The following EEPD1 variants were observed in gnomAD, a reference collection of about 807,000 sequenced individuals.
EEPD1 encodes endonuclease/exonuclease/phosphatase family domain-containing protein 1.
A neutral mutation model predicts 46.3 loss-of-function variants in EEPD1; 17 were observed. The ratio of observed to expected loss-of-function variants is 0.37; its 90% CI spans 0.25 to 0.55. The LOEUF is 0.55. Ranked by LOEUF, EEPD1 falls within the 20% of genes least tolerant of loss-of-function variation. The probability of loss-of-function intolerance (pLI) is 0.83; values close to 1 mark genes in which losing one functional copy is unlikely to be tolerated. For missense variants in EEPD1, 673 were observed against 745.6 expected (o/e 0.90, Z 1.13); for synonymous variants, 313 against 315.6 (o/e 0.99, Z 0.09).
Position 36,154,788 on chromosome 7 carries a change from A to G in EEPD1, c.464A>G (p.Glu155Gly). The change falls in exon 2 of 8, where the codon GAG becomes GGG. Residue 155 changes from glutamate to glycine, a missense_variant. Coordinates refer to ENST00000242108, the MANE Select transcript of EEPD1 (RefSeq NM_030636.3). The surrounding 1 kb of genome is among the most constrained non-coding windows in gnomAD (Gnocchi z 4.2). ...CTCATGAGCGTGCGAGGCCTCTCGG[A>G]GAAAATGGCCCTCAGCATCGTGGAC... ...AQLMSVRGLS[E>G]KMALSIVDFR... 1 of 1,614,150 alleles carries G rather than the reference A, an allele frequency of 6.2e-7. No homozygotes were observed. Among genetic ancestry groups the G allele is most frequent in the South Asian group, 1.1e-5 (1 of 91,078 alleles).
chr7:36,192,801 C>T (rs972461475), intron 2 of EEPD1, among the ~76,000 whole-genome samples: 8 of 152,336 alleles, frequency 5.3e-5, no homozygotes, highest in Middle Eastern at 3.4e-3. Flanking sequence ...GGTTAGAGAC[C>T]TTCTGGATCA....
chr7:36,260,396 G>A (rs1017576709), intron 3 of EEPD1, among the ~76,000 whole-genome samples: 1 of 152,200 alleles, frequency 6.6e-6, no homozygotes, highest in African/African-American at 2.4e-5. Flanking sequence ...TTTTGTTTCT[G>A]ATGAAAATTC....
intron 3 of EEPD1, among the ~76,000 whole-genome samples, chr7:36,243,486 C>T (rs1786589797): frequency 6.6e-6 from 1 of 152,042 alleles, no homozygotes; most frequent in Non-Finnish European, 1.5e-5. Flanking sequence ...AACCTCAAAC[C>T]TCTTTTACTG....
At chr7:36,167,448 C>T (rs1785005051) in intron 2 of EEPD1, among the ~76,000 whole-genome samples, 3 of 152,072 alleles carry the variant, frequency 2.0e-5, no homozygotes, top group Admixed American at 6.5e-5. Flanking sequence ...GCTTTCTTGT[C>T]GGGCCATAGT....
intron 2 of EEPD1, among the ~76,000 whole-genome samples, chr7:36,165,159 G>T (rs1784962002): frequency 6.6e-6 from 1 of 152,116 alleles, no homozygotes; most frequent in Non-Finnish European, 1.5e-5. Flanking sequence ...CTCACTCAGA[G>T]CAACGTCCAG....
At chr7:36,221,198 G>T (rs775607853) in intron 2 of EEPD1, among the ~76,000 whole-genome samples, 3 of 152,196 alleles carry the variant, frequency 2.0e-5, no homozygotes, top group Non-Finnish European at 4.4e-5. Flanking sequence ...AACCTAATAT[G>T]TAATTTCTTT....
At chr7:36,242,649 G>A (rs560704481) in intron 3 of EEPD1, among the ~76,000 whole-genome samples, 20 of 151,970 alleles carry the variant, frequency 1.3e-4, no homozygotes, top group South Asian at 6.2e-4. Context: ...GAGGCCAGGC[G>A]TAGTGGCTTA....
chr7:36,196,288 GCTACA>G, intron 2 of EEPD1, among the ~76,000 whole-genome samples: 1 of 151,632 alleles, frequency 6.6e-6, no homozygotes, highest in Non-Finnish European at 1.5e-5. Context: ...GTGCACATAG[GCTACA>G]CTAAATTTTT....
rs1475187761 is a variant in EEPD1, at chr7:36,218,170, T to C, written c.879-20815T>C. ...CAGGGCAGAGCCAGTATCATTCTAT[T>C]TTCAAGTGCACGAGGGGGGCTCATT... On this transcript the variant is annotated intron_variant, in intron 2 of 7. Coordinates refer to ENST00000242108, the MANE Select transcript of EEPD1 (RefSeq NM_030636.3). 1.3e-5 allele frequency among the ~76,000 whole-genome samples: 2 copies of C among 152,132 alleles called. 1 individual carries two copies. Among genetic ancestry groups the C allele is most frequent in the Non-Finnish European group, 2.9e-5 (2 of 68,028 alleles).
At chr7:36,210,194 G>A (rs1439988757) in intron 2 of EEPD1, among the ~76,000 whole-genome samples, 1 of 152,186 alleles carries the variant, frequency 6.6e-6, no homozygotes, top group Non-Finnish European at 1.5e-5. Flanking sequence ...TAAGGGCCCA[G>A]AAATACAGGT....
At position 36,270,536 on chromosome 7, in the gene EEPD1, T is replaced by A. The variant is rs376821542; in HGVS notation, c.931-10579T>A. On this transcript the variant is annotated intron_variant, in intron 3 of 7. Transcript: ENST00000242108. ...GTGTTCTCATTGTTCAACTCCTACT[T>A]ATGAGTGAGAACATGTGGCATTTGG... Among the ~76,000 whole-genome samples, 8 of 152,312 alleles carry A rather than the reference T, an allele frequency of 5.3e-5. No individual in the cohort carries two copies. The East Asian group carries it at 1.3e-3, about 26-fold the overall frequency.
chr7:36,198,342 G>GAAAA (rs1361024411), intron 2 of EEPD1, among the ~76,000 whole-genome samples: 1 of 33,100 alleles, frequency 3.0e-5, no homozygotes, highest in Admixed American at 4.2e-4. Context: ...AAAAAGAAAA[G>GAAAA]AAAAAAAAAA....
intron 2 of EEPD1, among the ~76,000 whole-genome samples, chr7:36,190,492 TC>T (rs1193350794): frequency 6.6e-6 from 1 of 152,160 alleles, no homozygotes; most frequent in Non-Finnish European, 1.5e-5. Context: ...CAGACAAAAA[TC>T]AACATAATCC....
chr7:36,297,900 G>T (rs928819680), intron 7 of EEPD1, among the ~76,000 whole-genome samples: 1 of 152,188 alleles, frequency 6.6e-6, no homozygotes, highest in Non-Finnish European at 1.5e-5. Context: ...ACTCTGACTG[G>T]ACATTTTGCG....
chr7:36,248,994 A>ACACACACAC (rs1786687369), intron 3 of EEPD1, among the ~76,000 whole-genome samples: 1 of 135,348 alleles, frequency 7.4e-6, no homozygotes, highest in Non-Finnish European at 1.6e-5. Flanking sequence ...TGGTTCATTA[A>ACACACACAC]ACACACACAC....
chr7:36,186,930 A>G (rs769356176), intron 2 of EEPD1, among the ~76,000 whole-genome samples: 49 of 152,384 alleles, frequency 3.2e-4, no homozygotes, highest in Middle Eastern at 6.8e-3. Context: ...TATGGGAATT[A>G]TGTCAGAATA....
At chr7:36,274,936 C>T (rs750453419) in intron 3 of EEPD1, among the ~76,000 whole-genome samples, 7 of 152,280 alleles carry the variant, frequency 4.6e-5, no homozygotes, top group African/African-American at 1.2e-4. Flanking sequence ...TGACCTTGCA[C>T]GGCCTAAGAC....
chr7:36,276,078 C>G lies in EEPD1; in HGVS notation c.931-5037C>G, dbSNP rs73686808. 3.2e-3 allele frequency among the ~76,000 whole-genome samples: 489 copies of G among 152,324 alleles called. 3 individuals carry two copies. Among genetic ancestry groups the G allele is most frequent in the African/African-American group, 0.011 (466 of 41,572 alleles). Reference sequence around the variant, plus strand: ...CAGAGGCATTTGAACCAGAGTGACTCCATCTTGAATAGGGGCTGGGTAACC... The same window carrying G: ...CAGAGGCATTTGAACCAGAGTGACTGCATCTTGAATAGGGGCTGGGTAACC... On this transcript the variant is annotated intron_variant, in intron 3 of 7. Transcript: ENST00000242108.
chr7:36,281,230 C>T lies in EEPD1; in HGVS notation c.1041+5C>T. The T allele has an allele frequency of 6.2e-7, 1 of 1,612,234 alleles. No homozygotes were observed. Among genetic ancestry groups the T allele is most frequent in the Non-Finnish European group, 8.5e-7 (1 of 1,178,340 alleles). Reference sequence around the variant, plus strand: ...CCCTCGAGTCAGCTCCAGAAGGTACCCTCGTCTGCAAAGCCTGGCCTTTCC... The same window carrying T: ...CCCTCGAGTCAGCTCCAGAAGGTACTCTCGTCTGCAAAGCCTGGCCTTTCC... On this transcript the variant is annotated splice_donor_5th_base_variant and intron_variant, in intron 4 of 7. Transcript: ENST00000242108.
Sources: allele counts gnomAD v4.1 joint callset (sites outside exome capture counted in the v4.1 genomes callset), GRCh38; gene constraint gnomAD v4.1.1; non-coding constraint Gnocchi (gnomAD v3.1); transcripts MANE v1.5; gene names NCBI Gene and HGNC (gene_info 2026-07-23, HGNC 2026-07-21).